Variants in L3MBTL4 observed in about 807,000 individuals in gnomAD.
The protein encoded by L3MBTL4 is L3MBTL histone methyl-lysine binding protein 4.
In L3MBTL4, 70 loss-of-function variants were observed where a neutral mutation model predicts 84.5. The observed-to-expected ratio is 0.83, with a 90% CI of 0.68 to 1.01. The LOEUF (loss-of-function observed/expected upper bound fraction) is 1.01, where lower values mean the gene tolerates loss of function less well. L3MBTL4 is among the 50% of genes least tolerant of loss of function. The pLI is 0.00. For missense variants in L3MBTL4, 715 were observed against 754.8 expected (o/e 0.95, Z 0.62); for synonymous variants, 274 against 259.8 (o/e 1.05, Z -0.52).
chr18:6,284,852 G>C (rs1202654984), intron 4 of L3MBTL4, among the ~76,000 whole-genome samples: 3 of 152,242 alleles, frequency 2.0e-5, no homozygotes, highest in East Asian at 1.9e-4. Context: ...TGGTAGGAGG[G>C]CATCTGCACA....
intron 1 of L3MBTL4, among the ~76,000 whole-genome samples, chr18:6,387,285 A>C (rs2054863745): frequency 6.6e-6 from 1 of 152,138 alleles, no homozygotes; most frequent in African/African-American, 2.4e-5. Context: ...AAGTGAAGTA[A>C]ATGGTTAGAT....
At chr18:6,011,881 G>A (rs1231161873) in intron 16 of L3MBTL4, among the ~76,000 whole-genome samples, 2 of 152,132 alleles carry the variant, frequency 1.3e-5, no homozygotes, top group Non-Finnish European at 2.9e-5. Flanking sequence ...ATTGTTAAAG[G>A]GATATTTTTA....
At chr18:6,095,416 TCTCGG>T (rs1170368897) in intron 14 of L3MBTL4, among the ~76,000 whole-genome samples, 1 of 148,134 alleles carries the variant, frequency 6.8e-6, no homozygotes, top group Non-Finnish European at 1.5e-5. Flanking sequence ...GGTGCGATGA[TCTCGG>T]CTCACTGCAA....
chr18:6,189,982 G>T (rs545699629), intron 12 of L3MBTL4, among the ~76,000 whole-genome samples: 1 of 152,256 alleles, frequency 6.6e-6, no homozygotes, highest in African/African-American at 2.4e-5. Flanking sequence ...TGATGGCTGA[G>T]AATTTTCCAA....
intron 12 of L3MBTL4, among the ~76,000 whole-genome samples, chr18:6,206,229 T>C (rs143092124): frequency 6.6e-6 from 1 of 152,192 alleles, no homozygotes; most frequent in African/African-American, 2.4e-5. Context: ...GGTGTACACT[T>C]ATATGTGCAT....
chr18:6,394,766 T>C (rs1360965315), intron 1 of L3MBTL4: 1 of 151,890 alleles, frequency 6.6e-6, no homozygotes, highest in Admixed American at 6.6e-5. Flanking sequence ...AATCAACCCC[T>C]AAAAAAGAGA....
At chr18:6,170,654 C>T (rs1161841783) in intron 13 of L3MBTL4, among the ~76,000 whole-genome samples, 1 of 152,012 alleles carries the variant, frequency 6.6e-6, no homozygotes, top group Non-Finnish European at 1.5e-5. Flanking sequence ...CCTGTATCTG[C>T]AATGCTGGTC....
At position 6,160,736 on chromosome 18, in the gene L3MBTL4, A is replaced by AC. The variant is rs1412746738; in HGVS notation, c.1096+11091_1096+11092insG. Among the ~76,000 whole-genome samples the AC allele has an allele frequency of 2.0e-3, 306 of 151,690 alleles. 2 individuals carry two copies. The highest frequency in any genetic ancestry group is 7.1e-3 in the African/African-American group (292 of 41,372). Reference sequence around the variant, plus strand: ...ACGAGAATAAAGATCCGTCTCAAAAAAAAAAAAAAAAAAAGCACGGAGTTA... The same window carrying AC: ...ACGAGAATAAAGATCCGTCTCAAAAACAAAAAAAAAAAAAAGCACGGAGTTA... On this transcript the variant is annotated intron_variant, in intron 13 of 18. Coordinates refer to ENST00000317931, the MANE Select transcript of L3MBTL4 (RefSeq NM_001330559.2).
intron 16 of L3MBTL4, among the ~76,000 whole-genome samples, chr18:6,049,447 C>A (rs889834860): frequency 4.6e-5 from 7 of 152,320 alleles, no homozygotes; most frequent in Admixed American, 4.6e-4. Flanking sequence ...CATGAACAGA[C>A]ATTCCTCAAT....
At chr18:6,289,941 T>G (rs2049775405) in intron 4 of L3MBTL4, among the ~76,000 whole-genome samples, 2 of 152,210 alleles carry the variant, frequency 1.3e-5, no homozygotes, top group African/African-American at 4.8e-5. Context: ...TTTGTTTGTT[T>G]GAGACAGGGA....
intron 16 of L3MBTL4, among the ~76,000 whole-genome samples, chr18:5,997,855 G>T (rs2145222353): frequency 6.6e-6 from 1 of 152,138 alleles, no homozygotes; most frequent in South Asian, 2.1e-4. Context: ...GTGGATGTTT[G>T]TGGGTTATAT....
intron 15 of L3MBTL4, among the ~76,000 whole-genome samples, chr18:6,087,194 T>C (rs1030927987): frequency 3.3e-5 from 5 of 152,188 alleles, no homozygotes; most frequent in Non-Finnish European, 7.3e-5. Flanking sequence ...GACCTGGCTA[T>C]GGTCACGGTG....
chr18:6,236,710 C>T (rs1472414318), intron 10 of L3MBTL4, among the ~76,000 whole-genome samples: 1 of 152,160 alleles, frequency 6.6e-6, no homozygotes, highest in Non-Finnish European at 1.5e-5. Context: ...CTCTATATAT[C>T]AAAATCAAAA....
At chr18:6,116,362 T>C (rs1339807253) in intron 14 of L3MBTL4, among the ~76,000 whole-genome samples, 2 of 72,888 alleles carry the variant, frequency 2.7e-5, no homozygotes, top group Non-Finnish European at 5.2e-5. Context: ...GTTGCTGGTT[T>C]TTTTTTTTTT....
At chr18:6,405,655 A>G (rs1293138882) in intron 1 of L3MBTL4, among the ~76,000 whole-genome samples, 1 of 152,096 alleles carries the variant, frequency 6.6e-6, no homozygotes, top group Non-Finnish European at 1.5e-5. Flanking sequence ...CCCTAAACAC[A>G]GGGGCTGGGC....
At chr18:6,224,940 A>G (rs536051836) in intron 10 of L3MBTL4, among the ~76,000 whole-genome samples, 1 of 152,258 alleles carries the variant, frequency 6.6e-6, no homozygotes, top group Non-Finnish European at 1.5e-5. Context: ...GAAAAAAAAA[A>G]CAAGGAAAAC....
intron 16 of L3MBTL4, among the ~76,000 whole-genome samples, chr18:5,998,381 G>C (rs760704443): frequency 2.0e-5 from 3 of 152,192 alleles, no homozygotes; most frequent in Non-Finnish European, 4.4e-5. Flanking sequence ...GGCTATAAAG[G>C]AGAGGCCTGG....
intron 14 of L3MBTL4, among the ~76,000 whole-genome samples, chr18:6,124,381 A>C (rs1283438854): frequency 6.7e-6 from 1 of 150,296 alleles, no homozygotes; most frequent in East Asian, 1.9e-4. Flanking sequence ...AATGAAAAAA[A>C]CTATATATAG....
chr18:6,267,397 G>A (rs2048681707), intron 4 of L3MBTL4, among the ~76,000 whole-genome samples: 1 of 152,138 alleles, frequency 6.6e-6, no homozygotes, highest in Non-Finnish European at 1.5e-5. Flanking sequence ...CAGTCCATTG[G>A]CCCATTAGAA....
Sources: allele counts gnomAD v4.1 joint callset (sites outside exome capture counted in the v4.1 genomes callset), GRCh38; gene constraint gnomAD v4.1.1; transcripts MANE v1.5; gene names NCBI Gene and HGNC (gene_info 2026-07-23, HGNC 2026-07-21).